Variants in ARPC1A observed in about 807,000 individuals in gnomAD.
The protein encoded by ARPC1A is actin-related protein 2/3 complex subunit 1A.
A neutral mutation model predicts 46.9 loss-of-function variants in ARPC1A; 8 were observed. That is an observed-to-expected ratio of 0.17 (90% CI 0.10 to 0.31). ARPC1A has a LOEUF of 0.31. ARPC1A is among the 10% of genes least tolerant of loss of function. The pLI is 1.00. For missense variants in ARPC1A, 286 were observed against 483.6 expected (o/e 0.59, Z 3.83); for synonymous variants, 152 against 169.0 (o/e 0.90, Z 0.78).
At chr7:99,364,864 C>G (rs554981669) in intron 9 of ARPC1A, among the ~76,000 whole-genome samples, 1 of 152,122 alleles carries the variant, frequency 6.6e-6, no homozygotes, top group South Asian at 2.1e-4. Context: ...GAGGTGGATA[C>G]GGGGGCTGGG....
chr7:99,340,069 A>G, intron 3 of ARPC1A: 1 of 448,794 alleles, frequency 2.2e-6, no homozygotes, highest in Non-Finnish European at 4.5e-6. Context: ...TGTATTAGCC[A>G]TGAGAGTTTT....
At chr7:99,337,246 AC>A (rs1217549369) in intron 2 of ARPC1A, among the ~76,000 whole-genome samples, 1 of 151,932 alleles carries the variant, frequency 6.6e-6, no homozygotes, top group African/African-American at 2.4e-5. Flanking sequence ...ACATGGAGAA[AC>A]CCTGTCTCTA....
chr7:99,342,983 A>G (rs999438409), intron 3 of ARPC1A, among the ~76,000 whole-genome samples: 5 of 152,126 alleles, frequency 3.3e-5, no homozygotes, highest in African/African-American at 1.2e-4. Flanking sequence ...CGGCCTCCCA[A>G]AGAGCCACCG....
chr7:99,365,980 C>T lies in ARPC1A; in HGVS notation c.*51C>T, dbSNP rs1339460509. On this transcript the variant is annotated 3_prime_UTR_variant, in exon 10 of 10. Coordinates refer to ENST00000262942, the MANE Select transcript of ARPC1A (RefSeq NM_006409.4). The stretch of plus-strand genomic sequence containing the variant: ...CATGACAAACTGTGGCCGACCGCAG[C>T]TGTGCCGTGGCACGATGGCGAGGAA... The T allele has an allele frequency of 1.4e-5, 21 of 1,543,036 alleles. No individual in the cohort carries two copies. In the African/African-American group the frequency reaches 2.6e-4, roughly 19 times the overall value.
Position 99,359,578 on chromosome 7 carries a change from G to T in ARPC1A, c.823G>T (p.Asp275Tyr). The T allele has an allele frequency of 6.2e-7, 1 of 1,614,084 alleles. No individual in the cohort carries two copies. The highest frequency in any genetic ancestry group is 8.5e-7 in the Non-Finnish European group (1 of 1,180,016). Residue 275 changes from aspartate to tyrosine, a missense_variant, in exon 8 of 10, where the codon GAT (aspartate) becomes TAT (tyrosine). Asp to Tyr is a radical substitution (Grantham distance 160). Transcript: ENST00000262942. ...HDCCPMLFNY[D>Y]DRGCLTFVSK... ...CTGCTGCCCAATGCTCTTTAACTAC[G>T]ATGACCGCGGCTGCCTGACCTTCGT...
In ARPC1A at chr7:99,358,261, G is replaced by A. The variant is rs2286161; in HGVS notation, c.714-79G>A. On this transcript the variant is annotated intron_variant, in intron 6 of 9. Transcript: ENST00000262942. ...TACTGCAGAAGCCCCTGTGAGAATG[G>A]GTCCTTTGTGATCATCTGTGTCTGT... The A allele has an allele frequency of 6.8e-4, 961 of 1,420,114 alleles. 12 individuals are homozygous for A. The East Asian group carries it at 0.019, about 29-fold the overall frequency. The allele number at this position is 1,420,114 out of a possible 1,614,324, so 88.0% of individuals were successfully genotyped here.
intron 3 of ARPC1A, 26 bp downstream of exon 3, chr7:99,338,311 G>C (rs1219591251): frequency 2.0e-6 from 3 of 1,503,932 alleles, no homozygotes; most frequent in East Asian, 2.4e-5. Flanking sequence ...CGTGAGCTTA[G>C]TGTGATATTT....
chr7:99,361,033 C>T (rs1404960013), intron 8 of ARPC1A, among the ~76,000 whole-genome samples: 1 of 151,688 alleles, frequency 6.6e-6, no homozygotes, highest in Non-Finnish European at 1.5e-5. Context: ...GGGATTTTCC[C>T]TTACTGAGAA....
chr7:99,351,076 G>T (rs192664721), intron 5 of ARPC1A, among the ~76,000 whole-genome samples: 28 of 152,138 alleles, frequency 1.8e-4, no homozygotes, highest in African/African-American at 6.5e-4. Flanking sequence ...GAGGATGGAG[G>T]TCATGGGAGT....
At chr7:99,348,755 T>G (rs1400711536) in intron 4 of ARPC1A, 97 bp from the exon 5 acceptor site, 1 of 731,394 alleles carries the variant, frequency 1.4e-6, no homozygotes, top group Non-Finnish European at 2.2e-6. Context: ...TAAGGAAAAG[T>G]GTGGCCTACT....
chr7:99,365,568 C>T (rs1158284417), intron 9 of ARPC1A, among the ~76,000 whole-genome samples: 1 of 151,010 alleles, frequency 6.6e-6, no homozygotes, highest in African/African-American at 2.4e-5. Context: ...GAGCTGTGGT[C>T]ACACCACTGC....
Position 99,358,430 on chromosome 7 carries a change from TCA to T in ARPC1A, c.789+16_789+17del, listed in dbSNP as rs774645907. 1.5e-5 allele frequency: 24 copies of T among 1,610,568 alleles called. No individual in the cohort carries two copies. In the South Asian group the frequency reaches 2.6e-4, roughly 18 times the overall value. ...TCGTGGCTGCTGTGAGTATTTTTCT[TCA>T]TTCTCCCTCGGGGTGCACTGTATGT... On this transcript the variant is annotated intron_variant, in intron 7 of 9. Transcript: ENST00000262942.
intron 8 of ARPC1A, among the ~76,000 whole-genome samples, chr7:99,360,492 A>G (rs760718206): frequency 1.3e-5 from 2 of 151,846 alleles, no homozygotes; most frequent in Admixed American, 6.6e-5. Flanking sequence ...CACCTGGCTA[A>G]TTTTTTGTAT....
intron 8 of ARPC1A, among the ~76,000 whole-genome samples, chr7:99,362,017 A>T (rs1295143438): frequency 6.6e-6 from 1 of 152,158 alleles, no homozygotes; most frequent in Non-Finnish European, 1.5e-5. Context: ...AAGCCGGGTC[A>T]GGTGCAGAGG....
In ARPC1A at chr7:99,358,536, CTTTTTTTT is replaced by C. The variant is rs5886103; in HGVS notation, c.789+136_789+143del. 142 of 319,810 alleles carry C rather than the reference CTTTTTTTT, an allele frequency of 4.4e-4. 1 individual carries two copies. Among genetic ancestry groups the C allele is most frequent in the Non-Finnish European group, 6.8e-4 (126 of 185,590 alleles). 19.8% of individuals were successfully genotyped at this position (319,810 alleles called of 1,614,324 possible). ...AGTTTTTTAGAAGAAACAGAGCTCA[CTTTTTTTT>C]TTTTTTTTTTTTTTGAGATGGAGTT... On this transcript the variant is annotated intron_variant, in intron 7 of 9. Transcript: ENST00000262942.
chr7:99,342,443 G>T (rs1793370171), intron 3 of ARPC1A, among the ~76,000 whole-genome samples: 1 of 151,934 alleles, frequency 6.6e-6, no homozygotes, highest in Non-Finnish European at 1.5e-5. Context: ...TACTCAGGAG[G>T]CTGAGGTAGG....
chr7:99,329,869 C>T (rs6956845), intron 1 of ARPC1A, among the ~76,000 whole-genome samples: 12 of 151,988 alleles, frequency 7.9e-5, no homozygotes, highest in Non-Finnish European at 4.4e-5. Flanking sequence ...ATTTGCAGAC[C>T]GATTTTATTT....
chr7:99,343,595 C>T, intron 3 of ARPC1A, among the ~76,000 whole-genome samples: 1 of 152,150 alleles, frequency 6.6e-6, no homozygotes, highest in East Asian at 1.9e-4. Context: ...CTGACCTTGA[C>T]TTTGGGATTC....
chr7:99,334,055 A>G (rs1448510623), intron 2 of ARPC1A, among the ~76,000 whole-genome samples: 2 of 143,062 alleles, frequency 1.4e-5, no homozygotes, highest in Admixed American at 1.4e-4. Flanking sequence ...TTTTTTTTTG[A>G]GACAGAGTCT....
Sources: allele counts gnomAD v4.1 joint callset (sites outside exome capture counted in the v4.1 genomes callset), GRCh38; gene constraint gnomAD v4.1.1; transcripts MANE v1.5; gene names NCBI Gene and HGNC (gene_info 2026-07-23, HGNC 2026-07-21).